The following PCDHGA4 variants were observed in gnomAD, a reference collection of about 807,000 sequenced individuals.
The protein encoded by PCDHGA4 is protocadherin gamma-A4.
In PCDHGA4, 38 loss-of-function variants were observed where a neutral mutation model predicts 54.6. That is an observed-to-expected ratio of 0.70 (90% confidence interval 0.54 to 0.91). PCDHGA4 has a LOEUF of 0.91. Among genes scored for constraint, PCDHGA4 ranks in the 40% least tolerant of loss-of-function variants. The pLI is 0.00. For synonymous variants in PCDHGA4, 511 were observed against 512.9 expected, an observed-to-expected ratio of 1.00 and a Z score of 0.05; for missense variants, 1,298 against 1,220.9, an observed-to-expected ratio of 1.06 and a Z score of -0.94.
At position 141,454,796 on chromosome 5, in the gene PCDHGA4, ATTT is replaced by A. The variant is rs61612330; in HGVS notation, c.2515-39984_2515-39982del. On this transcript the variant is annotated intron_variant, in intron 1 of 3. Coordinates refer to ENST00000571252, the MANE Select transcript of PCDHGA4 (RefSeq NM_018917.4). ...AAGGAAATAATCCTCCATGGTTCTA[ATTT>A]TTTTTTTTTTTTTTTTTTTTTTTTT... is the stretch of plus-strand genomic sequence containing the variant. 8.4e-3 allele frequency among the ~76,000 whole-genome samples: 651 copies of A among 77,268 alleles called. 2 individuals are homozygous for A. Among genetic ancestry groups the A allele is most frequent in the African/African-American group, 0.012 (206 of 16,834 alleles). The allele number at this position is 77,268 out of a possible 152,430, so 50.7% of individuals were successfully genotyped here. A position where few individuals can be genotyped will look rare whatever the true frequency, so the allele number is the denominator to read the frequency against.
At chr5:141,451,036 G>T (rs973806381) in intron 1 of PCDHGA4, among the ~76,000 whole-genome samples, 1 of 150,880 alleles carries the variant, frequency 6.6e-6, no homozygotes, top group Non-Finnish European at 1.5e-5. Flanking sequence ...CACCATATTG[G>T]CCAGGCTGGT....
intron 1 of PCDHGA4, chr5:141,371,512 A>ATCTCTAGATC: frequency 6.2e-7 from 1 of 1,613,868 alleles, no homozygotes; most frequent in Non-Finnish European, 8.5e-7. Flanking sequence ...AAAACACATG[A>ATCTCTAGATC]TCTAGATTCT....
At chr5:141,378,354 C>T (rs994186879) in intron 1 of PCDHGA4, 5 of 152,210 alleles carry the variant, frequency 3.3e-5, no homozygotes, top group African/African-American at 1.2e-4. Flanking sequence ...GAAACCCCGT[C>T]TCTACTAAAA....
chr5:141,427,287 A>G (rs1030754713), intron 1 of PCDHGA4: 2 of 456,716 alleles, frequency 4.4e-6, no homozygotes, highest in African/African-American at 4.0e-5. Flanking sequence ...TATACTAGAA[A>G]TCCTAGATGA....
intron 1 of PCDHGA4, chr5:141,422,019 G>C: frequency 6.2e-7 from 1 of 1,610,862 alleles, no homozygotes; most frequent in Non-Finnish European, 8.5e-7. Context: ...GGGTGCTGAT[G>C]GTTAATGCAA....
At chr5:141,389,649 G>A in intron 1 of PCDHGA4, 2 of 1,612,716 alleles carry the variant, frequency 1.2e-6, no homozygotes, top group Non-Finnish European at 1.7e-6. Context: ...GGTGACCAAG[G>A]TAGTGGCGGT....
At position 141,490,545 on chromosome 5, in the gene PCDHGA4, C is replaced by T; in HGVS notation, c.2515-4262C>T. 3 of 1,614,164 alleles carry T rather than the reference C, an allele frequency of 1.9e-6. No homozygotes were observed. The highest frequency in any genetic ancestry group is 2.5e-6 in the Non-Finnish European group (3 of 1,180,018). ...GCGATGCTGGTTCACCTTCCCTACA[C>T]AAACATCTCACCATCAGGCTCAACA... On this transcript the variant is annotated intron_variant, in intron 1 of 3. Coordinates refer to ENST00000571252, the MANE Select transcript of PCDHGA4 (RefSeq NM_018917.4). The surrounding 1 kb of genome is among the most constrained non-coding windows in gnomAD (Gnocchi z 5.4).
At chr5:141,384,790 G>T (rs999175494) in intron 1 of PCDHGA4, 2 of 1,613,416 alleles carry the variant, frequency 1.2e-6, no homozygotes, top group African/African-American at 2.7e-5. Flanking sequence ...CACGGCTCGG[G>T]CCCTGCTGGA....
chr5:141,487,312 TAA>T lies in PCDHGA4; in HGVS notation c.2515-7494_2515-7493del, dbSNP rs1464336630. ...TTGGCTCATTCGTGGCACTACTCTC[TAA>T]GTGTCTTCGTGGGGCAGCCTGTGGA... On this transcript the variant is annotated intron_variant, in intron 1 of 3. Transcript: ENST00000571252. The surrounding 1 kb of genome is among the most constrained non-coding windows in gnomAD (Gnocchi z 5.0). 1 of 1,614,158 alleles carries T rather than the reference TAA, an allele frequency of 6.2e-7. No homozygotes were observed. Among genetic ancestry groups the T allele is most frequent in the African/African-American group, 1.3e-5 (1 of 75,056 alleles).
intron 2 of PCDHGA4, among the ~76,000 whole-genome samples, chr5:141,496,841 G>C (rs2099771828): frequency 6.6e-6 from 1 of 151,398 alleles, no homozygotes; most frequent in South Asian, 2.1e-4. Context: ...GAACTCATAG[G>C]CTTCCAGACC....
Position 141,489,351 on chromosome 5 carries a change from G to A in PCDHGA4, c.2515-5456G>A, listed in dbSNP as rs2099685862. ...GGCAGCTTCGTTACTCAGTGGTGGAGGAGTCTGAGCCGGGGACGCTGGTGG... is the reference window on the plus strand; with the variant it reads ...GGCAGCTTCGTTACTCAGTGGTGGAAGAGTCTGAGCCGGGGACGCTGGTGG... On this transcript the variant is annotated intron_variant, in intron 1 of 3. Transcript: ENST00000571252. This position sits in a 1 kb window ranked among gnomAD's most constrained non-coding sequence, Gnocchi z 4.5. The A allele has an allele frequency of 6.2e-7, 1 of 1,612,202 alleles. No individual in the cohort carries two copies. The highest frequency in any genetic ancestry group is 1.3e-5 in the African/African-American group (1 of 75,006).
chr5:141,427,855 G>T (rs2097079766), intron 1 of PCDHGA4: 1 of 1,553,826 alleles, frequency 6.4e-7, no homozygotes, highest in Non-Finnish European at 8.8e-7. Flanking sequence ...GAGCAGCTGT[G>T]CGCCTTCGAG....
chr5:141,428,117 G>A lies in PCDHGA4; in HGVS notation c.2515-66690G>A, dbSNP rs980705077. 5 of 1,606,984 alleles carry A rather than the reference G, an allele frequency of 3.1e-6. No individual in the cohort carries two copies. The African/African-American group carries it at 6.7e-5, about 21-fold the overall frequency. Reference sequence around the variant, plus strand: ...CCTACCACGTGCTGCAGGCCATCGAGCCCGGGCTTTTCAGCCTGGGGCTGC... The same window carrying A: ...CCTACCACGTGCTGCAGGCCATCGAACCCGGGCTTTTCAGCCTGGGGCTGC... On this transcript the variant is annotated intron_variant, in intron 1 of 3. Coordinates refer to ENST00000571252, the MANE Select transcript of PCDHGA4 (RefSeq NM_018917.4).
chr5:141,488,656 G>A (rs2099678001), intron 1 of PCDHGA4, among the ~76,000 whole-genome samples: 1 of 152,200 alleles, frequency 6.6e-6, no homozygotes, highest in African/African-American at 2.4e-5. Flanking sequence ...ATGGGGGAGG[G>A]TGGGGGAATA....
At position 141,409,019 on chromosome 5, in the gene PCDHGA4, G is replaced by T; in HGVS notation, c.2514+51398G>T. 2.5e-6 allele frequency: 4 copies of T among 1,613,996 alleles called. No homozygotes were observed. The South Asian group carries it at 3.3e-5, about 13-fold the overall frequency. On this transcript the variant is annotated intron_variant, in intron 1 of 3. Coordinates refer to ENST00000571252, the MANE Select transcript of PCDHGA4 (RefSeq NM_018917.4). The stretch of plus-strand genomic sequence containing the variant: ...GACAGCCACTGACCAGGATGAGGGG[G>T]TCAATGCTGAGATAAACTACTACTT...
intron 1 of PCDHGA4, among the ~76,000 whole-genome samples, chr5:141,453,827 C>T (rs2098775483): frequency 6.6e-6 from 1 of 152,320 alleles, no homozygotes; most frequent in South Asian, 2.1e-4. Flanking sequence ...AACTTGGCTG[C>T]TAGCCCTTCA....
chr5:141,357,140 A>G lies in PCDHGA4; in HGVS notation c.2033A>G (p.Gln678Arg), dbSNP rs1240951926. Residue 678 changes from glutamine (Q) to arginine (R), a missense_variant, in exon 1 of 4, where the codon CAG (glutamine) becomes CGG (arginine). By Grantham distance (43) the Gln-to-Arg change is conservative. Coordinates refer to ENST00000571252, the MANE Select transcript of PCDHGA4 (RefSeq NM_018917.4). ...ALKQRLVVVVQDHGQPPLSAT... is the reference protein window; with the variant it reads ...ALKQRLVVVVRDHGQPPLSAT... ...AAGCAGAGGCTTGTAGTGGTCGTCC[A>G]GGACCATGGCCAGCCCCCTCTCTCG... 3.7e-6 allele frequency: 6 copies of G among 1,613,556 alleles called. No individual in the cohort carries two copies. Among genetic ancestry groups the G allele is most frequent in the Non-Finnish European group, 5.1e-6 (6 of 1,179,892 alleles).
chr5:141,451,163 G>A (rs2098709493), intron 1 of PCDHGA4, among the ~76,000 whole-genome samples: 1 of 152,086 alleles, frequency 6.6e-6, no homozygotes, highest in African/African-American at 2.4e-5. Flanking sequence ...TTTTTTGGTA[G>A]TATATTATTT....
chr5:141,361,163 G>A (rs1176062621), intron 1 of PCDHGA4: 2 of 1,613,940 alleles, frequency 1.2e-6, no homozygotes, highest in Middle Eastern at 1.6e-4. Flanking sequence ...GACAACGATT[G>A]TGCACCTGAA....
Sources: allele counts gnomAD v4.1 joint callset (sites outside exome capture counted in the v4.1 genomes callset), GRCh38; gene constraint gnomAD v4.1.1; non-coding constraint Gnocchi (gnomAD v3.1); transcripts MANE v1.5; gene names NCBI Gene and HGNC (gene_info 2026-07-23, HGNC 2026-07-21).